Variants in THAP4 observed in about 807,000 individuals in gnomAD.
THAP4 encodes peroxynitrite isomerase THAP4.
THAP4 carries 18 observed loss-of-function variants against 48.1 expected under a neutral mutation model. The ratio of observed to expected loss-of-function variants is 0.37; its 90% CI spans 0.26 to 0.56. THAP4 has a LOEUF of 0.56. Among genes scored for constraint, THAP4 ranks in the 20% least tolerant of loss-of-function variants. THAP4 has a pLI of 0.78. For missense variants in THAP4, 656 were observed against 774.9 expected, an observed-to-expected ratio of 0.85 and a Z score of 1.82; for synonymous variants, 345 against 324.9, an observed-to-expected ratio of 1.06 and a Z score of -0.66.
In THAP4 at chr2:241,616,218, G is replaced by GACT; in HGVS notation, c.1241-9748_1241-9746dup. On this transcript the variant is annotated intron_variant, in intron 2 of 5. Coordinates refer to ENST00000407315, the MANE Select transcript of THAP4 (RefSeq NM_015963.6). The surrounding 1 kb of genome is among the most constrained non-coding windows in gnomAD (Gnocchi z 4.6). ...CGTGGCCCGGGCTTTCTGCCTCGACGACTAGCCCAAGGGAGATGGAAATGA... is the reference window on the plus strand; with the variant it reads ...CGTGGCCCGGGCTTTCTGCCTCGACGACTACTAGCCCAAGGGAGATGGAAATGA... Among the ~76,000 whole-genome samples, 1 of 152,182 alleles carries GACT rather than the reference G, an allele frequency of 6.6e-6. No individual in the cohort carries two copies. The highest frequency in any genetic ancestry group is 1.5e-5 in the Non-Finnish European group (1 of 68,020).
In THAP4 at chr2:241,584,478, G is replaced by T. The variant is rs2066866477; in HGVS notation, c.*128C>A. The T allele has an allele frequency of 4.0e-6, 4 of 999,906 alleles. No homozygotes were observed. In the South Asian group the frequency reaches 6.1e-5, roughly 15 times the overall value. 61.9% of individuals were successfully genotyped at this position (999,906 alleles called of 1,614,324 possible). ...TTTCTATGCCAGTACAGAAACATCTGGACAACACTCTTGAGCCTGCAGAGG... is the reference window on the plus strand; with the variant it reads ...TTTCTATGCCAGTACAGAAACATCTTGACAACACTCTTGAGCCTGCAGAGG... On this transcript the variant is annotated 3_prime_UTR_variant, in exon 6 of 6. Transcript: ENST00000407315.
chr2:241,597,323 AG>A (rs1246004859), intron 5 of THAP4, among the ~76,000 whole-genome samples: 1 of 152,254 alleles, frequency 6.6e-6, no homozygotes, highest in East Asian at 1.9e-4. Context: ...TAGTAAAGAC[AG>A]GGTTTCACCA....
intron 2 of THAP4, among the ~76,000 whole-genome samples, chr2:241,621,642 G>A (rs909219422): frequency 2.6e-5 from 4 of 152,104 alleles, no homozygotes; most frequent in African/African-American, 9.7e-5. Flanking sequence ...GAATATTGGA[G>A]AATTGTGGGG....
chr2:241,632,107 T>A (rs955452403), intron 2 of THAP4, among the ~76,000 whole-genome samples: 3 of 151,746 alleles, frequency 2.0e-5, no homozygotes, highest in Non-Finnish European at 4.4e-5. Flanking sequence ...GTCTTTTTTT[T>A]TTGGAGACAG....
At chr2:241,599,303 G>A (rs1205988855) in intron 5 of THAP4, among the ~76,000 whole-genome samples, 1 of 151,488 alleles carries the variant, frequency 6.6e-6, no homozygotes, top group Non-Finnish European at 1.5e-5. Flanking sequence ...TCTACAGTGA[G>A]CATCTTACAG....
chr2:241,600,352 G>A (rs553581005), intron 5 of THAP4, among the ~76,000 whole-genome samples: 8 of 152,210 alleles, frequency 5.3e-5, no homozygotes, highest in African/African-American at 1.7e-4. Flanking sequence ...AGAATTATAC[G>A]CTGCGTCACT....
At chr2:241,623,117 A>G (rs979302977) in intron 2 of THAP4, among the ~76,000 whole-genome samples, 2 of 151,998 alleles carry the variant, frequency 1.3e-5, no homozygotes, top group African/African-American at 4.8e-5. Flanking sequence ...TCAGGAGGCT[A>G]AGGCCTCCTG....
chr2:241,617,418 C>G (rs1207748018), intron 2 of THAP4: 1 of 1,550,844 alleles, frequency 6.4e-7, no homozygotes, highest in African/African-American at 1.4e-5. Flanking sequence ...TTACCCATCC[C>G]TAAGTTTTCT....
chr2:241,619,949 A>G (rs1346460169), intron 2 of THAP4, among the ~76,000 whole-genome samples: 8 of 34,826 alleles, frequency 2.3e-4, no homozygotes, highest in East Asian at 1.0e-3. Context: ...TGAGTGAGTC[A>G]TTGAGTGAGG....
intron 2 of THAP4, among the ~76,000 whole-genome samples, chr2:241,622,301 G>A (rs796472766): frequency 1.3e-5 from 2 of 152,260 alleles, no homozygotes; most frequent in African/African-American, 4.8e-5. Flanking sequence ...GGAGGTGGAG[G>A]TTGCAATGAG....
At chr2:241,631,597 T>C (rs1412072077) in intron 2 of THAP4, among the ~76,000 whole-genome samples, 2 of 151,800 alleles carry the variant, frequency 1.3e-5, no homozygotes, top group African/African-American at 2.4e-5. Flanking sequence ...TCCCAAGTAG[T>C]TGGGACCACA....
At chr2:241,618,175 G>A (rs1388430476) in intron 2 of THAP4, among the ~76,000 whole-genome samples, 1 of 152,232 alleles carries the variant, frequency 6.6e-6, no homozygotes, top group African/African-American at 2.4e-5. Context: ...AGGCATACCA[G>A]CAGGGAACTG....
At chr2:241,585,449 C>T (rs952925673) in intron 5 of THAP4, among the ~76,000 whole-genome samples, 1 of 152,072 alleles carries the variant, frequency 6.6e-6, no homozygotes, top group Non-Finnish European at 1.5e-5. Context: ...TGCTTATGGC[C>T]ATGGCTGACT....
chr2:241,634,034 A>G lies in THAP4; in HGVS notation c.123T>C (p.Ala41=), dbSNP rs1171523208. ...DSKRLIQWLK[A]VQRDNWTPTK... ...TGGGAGTCCAGTTATCCCTCTGAAC[A>G]GCTTTTAACCATTGGATTAGACGTT... Residue 41 remains alanine, a synonymous_variant, in exon 2 of 6, where the codon GCT becomes GCC. Coordinates refer to ENST00000407315, the MANE Select transcript of THAP4 (RefSeq NM_015963.6). The G allele has an allele frequency of 6.2e-7, 1 of 1,612,292 alleles. No homozygotes were observed. Among genetic ancestry groups the G allele is most frequent in the East Asian group, 2.2e-5 (1 of 44,842 alleles).
chr2:241,584,986 C>T (rs539715470), intron 5 of THAP4: 19 of 451,122 alleles, frequency 4.2e-5, no homozygotes, highest in South Asian at 4.1e-4. Flanking sequence ...CCATACCACC[C>T]TGAACGCACC....
At chr2:241,606,796 T>C (rs2067189318) in intron 2 of THAP4, among the ~76,000 whole-genome samples, 1 of 152,186 alleles carries the variant, frequency 6.6e-6, no homozygotes, top group African/African-American at 2.4e-5. Context: ...GAAGGGATAC[T>C]GAGGGACCTC....
At chr2:241,592,049 T>G (rs2066987264) in intron 5 of THAP4, 1 of 152,254 alleles carries the variant, frequency 6.6e-6, no homozygotes, top group Non-Finnish European at 1.5e-5. Context: ...TCACCAGACC[T>G]GAACAGGCAC....
chr2:241,627,419 G>A (rs759180000), intron 2 of THAP4, among the ~76,000 whole-genome samples: 1 of 152,200 alleles, frequency 6.6e-6, no homozygotes, highest in South Asian at 2.1e-4. Context: ...AAGCAAGACC[G>A]CGAACACGTG....
At chr2:241,628,235 C>T (rs377276864) in intron 2 of THAP4, among the ~76,000 whole-genome samples, 103 of 119,980 alleles carry the variant, frequency 8.6e-4, no homozygotes, top group African/African-American at 2.5e-3. Flanking sequence ...TCGGCTGCCC[C>T]TCTCTCAGCG....
Sources: allele counts gnomAD v4.1 joint callset (sites outside exome capture counted in the v4.1 genomes callset), GRCh38; gene constraint gnomAD v4.1.1; non-coding constraint Gnocchi (gnomAD v3.1); transcripts MANE v1.5; gene names NCBI Gene and HGNC (gene_info 2026-07-23, HGNC 2026-07-21).